The following FSTL5 variants were observed in gnomAD, a reference collection of about 807,000 sequenced individuals.
FSTL5 encodes the protein follistatin-related protein 5.
Under a neutral mutation model 89.1 loss-of-function variants are expected in FSTL5, and 62 were observed. The ratio of observed to expected loss-of-function variants is 0.70; its 90% CI spans 0.57 to 0.86. The LOEUF is 0.86. Among genes scored for constraint, FSTL5 ranks in the 40% least tolerant of loss-of-function variants. The pLI is 0.00. For synonymous variants in FSTL5, 383 were observed against 346.2 expected, an observed-to-expected ratio of 1.11 and a Z score of -1.18; for missense variants, 1,057 against 1,001.6, an observed-to-expected ratio of 1.06 and a Z score of -0.75.
At chr4:161,400,144 A>G (rs1731136267) in intron 15 of FSTL5, among the ~76,000 whole-genome samples, 1 of 152,114 alleles carries the variant, frequency 6.6e-6, no homozygotes, top group Admixed American at 6.6e-5. Context: ...CTCCAAAATA[A>G]ACTTCCATAT....
intron 4 of FSTL5, among the ~76,000 whole-genome samples, chr4:161,793,155 G>T (rs891043274): frequency 6.6e-6 from 1 of 152,250 alleles, no homozygotes; most frequent in African/African-American, 2.4e-5. Flanking sequence ...GCCTAGAGCT[G>T]CCTGCCCTGC....
chr4:161,896,479 C>A (rs1294028219), intron 4 of FSTL5, among the ~76,000 whole-genome samples: 2 of 152,002 alleles, frequency 1.3e-5, no homozygotes, highest in Admixed American at 6.6e-5. Context: ...ACACACACAC[C>A]CCTACATTAG....
chr4:161,568,631 G>A (rs1271262135), intron 8 of FSTL5, among the ~76,000 whole-genome samples: 1 of 151,296 alleles, frequency 6.6e-6, no homozygotes, highest in Non-Finnish European at 1.5e-5. Flanking sequence ...CTATGTAGGA[G>A]CTGTCATTAT....
chr4:161,533,343 A>G (rs976146413), intron 10 of FSTL5, among the ~76,000 whole-genome samples: 19 of 152,076 alleles, frequency 1.2e-4, no homozygotes, highest in African/African-American at 4.6e-4. Flanking sequence ...TAAGGGGGAA[A>G]AAAAAGAGAA....
chr4:161,882,469 C>A (rs1342237717), intron 4 of FSTL5, among the ~76,000 whole-genome samples: 1 of 152,124 alleles, frequency 6.6e-6, no homozygotes, highest in Non-Finnish European at 1.5e-5. Context: ...TGCCACCTCT[C>A]TTAACTGAAA....
chr4:161,723,479 G>A (rs1446278682), intron 6 of FSTL5, among the ~76,000 whole-genome samples: 2 of 152,130 alleles, frequency 1.3e-5, no homozygotes, highest in Admixed American at 6.5e-5. Context: ...ACGTCTTCAG[G>A]GCAACCTGAA....
At chr4:161,443,552 T>C (rs1385021626) in intron 15 of FSTL5, among the ~76,000 whole-genome samples, 2 of 151,918 alleles carry the variant, frequency 1.3e-5, no homozygotes, top group African/African-American at 2.4e-5. Flanking sequence ...ACATTTCCTA[T>C]TGGAGCCTGG....
At chr4:161,464,124 C>T (rs750626728) in intron 13 of FSTL5, among the ~76,000 whole-genome samples, 1 of 152,030 alleles carries the variant, frequency 6.6e-6, no homozygotes, top group Admixed American at 6.6e-5. Flanking sequence ...AAATTTACAG[C>T]CTCTTCTAAT....
At chr4:162,028,107 C>G (rs563612916) in intron 3 of FSTL5, among the ~76,000 whole-genome samples, 2 of 152,028 alleles carry the variant, frequency 1.3e-5, no homozygotes, top group Non-Finnish European at 2.9e-5. Flanking sequence ...AAATAAATCA[C>G]GAATCTCTTG....
chr4:161,986,365 C>T (rs1314797589), intron 3 of FSTL5, among the ~76,000 whole-genome samples: 3 of 152,288 alleles, frequency 2.0e-5, no homozygotes, highest in African/African-American at 7.2e-5. Flanking sequence ...GCCTGACCAA[C>T]ATGCTGAAAC....
Position 161,409,410 on chromosome 4 carries a change from G to C in FSTL5, c.1842-22961C>G, listed in dbSNP as rs28818618. Among the ~76,000 whole-genome samples the C allele has an allele frequency of 9.1e-3, 1,384 of 152,050 alleles. 22 individuals carry two copies. The highest frequency in any genetic ancestry group is 0.032 in the African/African-American group (1,311 of 41,496). Reference sequence around the variant, plus strand: ...ATTATTATTATTTTTTTGAGATGGAGTCTTGCTCTGTCACTAGGTGGAGTC... The same window carrying C: ...ATTATTATTATTTTTTTGAGATGGACTCTTGCTCTGTCACTAGGTGGAGTC... On this transcript the variant is annotated intron_variant, in intron 15 of 15. Coordinates refer to ENST00000306100, the MANE Select transcript of FSTL5 (RefSeq NM_020116.5).
intron 2 of FSTL5, among the ~76,000 whole-genome samples, chr4:162,037,159 T>C (rs972100303): frequency 1.3e-5 from 2 of 151,792 alleles, no homozygotes; most frequent in African/African-American, 4.8e-5. Flanking sequence ...GCATGACTGA[T>C]TGTATATGGT....
At position 161,923,441 on chromosome 4, in the gene FSTL5, T is replaced by A. The variant is rs188602922; in HGVS notation, c.161-2789A>T. 6.2e-4 allele frequency among the ~76,000 whole-genome samples: 94 copies of A among 152,064 alleles called. No homozygotes were observed. The East Asian group carries it at 0.013, about 21-fold the overall frequency. On this transcript the variant is annotated intron_variant, in intron 3 of 15. Transcript: ENST00000306100. The stretch of plus-strand genomic sequence containing the variant: ...ATATTTCCCCATCCTTATGCCAGTT[T>A]TTAATTAAGCAAATTGTTAATTCAA...
chr4:162,079,675 G>A (rs1249034122), intron 2 of FSTL5, among the ~76,000 whole-genome samples: 1 of 151,366 alleles, frequency 6.6e-6, no homozygotes, highest in Non-Finnish European at 1.5e-5. Context: ...ACTTTAGTTT[G>A]CAAAGTGAAA....
intron 7 of FSTL5, among the ~76,000 whole-genome samples, chr4:161,636,365 C>T (rs1390824810): frequency 6.6e-6 from 1 of 150,464 alleles, no homozygotes; most frequent in Non-Finnish European, 1.5e-5. Flanking sequence ...AATTAGGTGT[C>T]TTTCTATATT....
At chr4:161,836,501 T>A (rs1276433837) in intron 4 of FSTL5, among the ~76,000 whole-genome samples, 1 of 147,912 alleles carries the variant, frequency 6.8e-6, no homozygotes, top group East Asian at 2.0e-4. Flanking sequence ...AAGTAAGAAA[T>A]GTTCCTGCAC....
chr4:161,669,945 G>A (rs1026954919), intron 6 of FSTL5, among the ~76,000 whole-genome samples: 3 of 151,936 alleles, frequency 2.0e-5, no homozygotes, highest in African/African-American at 4.8e-5. Flanking sequence ...ACATAATGAT[G>A]AGCACTCTTT....
At chr4:161,823,860 G>T (rs1432715154) in intron 4 of FSTL5, among the ~76,000 whole-genome samples, 1 of 152,158 alleles carries the variant, frequency 6.6e-6, no homozygotes, top group Non-Finnish European at 1.5e-5. Flanking sequence ...TGATGGGATT[G>T]TTTGTGTTTT....
rs199667804 is a variant in FSTL5, at chr4:161,854,886, TA to T, written c.409+65517del. ...CAAATTAAAAAGATTTTAATAATGT[TA>T]AAAAAATTATTTTTTCCTAAATATA... On this transcript the variant is annotated intron_variant, in intron 4 of 15. Coordinates refer to ENST00000306100, the MANE Select transcript of FSTL5 (RefSeq NM_020116.5). 2.5e-3 allele frequency among the ~76,000 whole-genome samples: 386 copies of T among 152,084 alleles called. 1 individual carries two copies. Among genetic ancestry groups the T allele is most frequent in the African/African-American group, 8.4e-3 (348 of 41,524 alleles).
Sources: gnomAD v4.1 joint callset for allele counts (sites outside exome capture counted in the v4.1 genomes callset) on GRCh38, gnomAD v4.1.1 for gene constraint, MANE v1.5 for transcripts, NCBI Gene and HGNC (gene_info 2026-07-23, HGNC 2026-07-21) for gene names.